ANGEL1: variants seen among roughly 807,000 people sequenced by gnomAD.
ANGEL1 encodes the protein angel homolog 1, also known as RNA 2',3'-cyclic phosphatase ANGEL1.
Under a neutral mutation model 76.4 loss-of-function variants are expected in ANGEL1, and 62 were observed. The ratio of observed to expected loss-of-function variants is 0.81; its 90% CI spans 0.66 to 1.00. ANGEL1 has a LOEUF of 1.00. Ranked by LOEUF, ANGEL1 falls within the 50% of genes least tolerant of loss-of-function variation. ANGEL1 has a pLI of 0.00. For missense variants in ANGEL1, 737 were observed against 836.7 expected, an observed-to-expected ratio of 0.88 and a Z score of 1.47; for synonymous variants, 340 against 331.7, an observed-to-expected ratio of 1.03 and a Z score of -0.27.
At position 76,803,985 on chromosome 14, in the gene ANGEL1, C is replaced by G. The variant is rs759976980; in HGVS notation, c.1381-73G>C. ...GGAAGTAACAGCCCATGTTTTGGGA[C>G]ATGTGGACAAATACAAACACATACA... On this transcript the variant is annotated intron_variant, in intron 5 of 9. Coordinates refer to ENST00000251089, the MANE Select transcript of ANGEL1 (RefSeq NM_015305.4). 4 of 1,613,414 alleles carry G rather than the reference C, an allele frequency of 2.5e-6. No homozygotes were observed. The African/African-American group carries it at 5.3e-5, about 22-fold the overall frequency.
At chr14:76,807,568 C>T in intron 3 of ANGEL1, 66 bp from the exon 4 acceptor site, 2 of 1,537,926 alleles carry the variant, frequency 1.3e-6, no homozygotes, top group Non-Finnish European at 1.8e-6. Flanking sequence ...CCTCTAGGAG[C>T]AGGTCCTGAG....
At chr14:76,798,946 CAAA>C (rs58535403) in intron 7 of ANGEL1, among the ~76,000 whole-genome samples, 2 of 73,794 alleles carry the variant, frequency 2.7e-5, no homozygotes, top group Admixed American at 1.6e-4. Flanking sequence ...GACTCTGTCT[CAAA>C]AAAAAAAAAA....
At chr14:76,804,479 A>C in intron 5 of ANGEL1, 1 of 986,082 alleles carries the variant, frequency 1.0e-6, no homozygotes, top group Non-Finnish European at 1.2e-6. Flanking sequence ...CACATCTCCA[A>C]CGTGTGTAGC....
Position 76,812,863 on chromosome 14 carries a change from C to T in ANGEL1, c.-36G>A. 6.7e-7 allele frequency: 1 copy of T among 1,488,068 alleles called. No individual in the cohort carries two copies. Among genetic ancestry groups the T allele is most frequent in the South Asian group, 1.3e-5 (1 of 78,352 alleles). The allele number at this position is 1,488,068 out of a possible 1,614,324, so 92.2% of individuals were successfully genotyped here. A position where few individuals can be genotyped will look rare whatever the true frequency, so the allele number is the denominator to read the frequency against. On this transcript the variant is annotated 5_prime_UTR_variant, in exon 1 of 10. Transcript: ENST00000251089. ...CCGCGCCCGCCTCCGCTCCTCACTG[C>T]AGCCAGCAGGTCCTCCCTCAGCTCG...
chr14:76,812,638 A>G (rs981974954), intron 1 of ANGEL1, 126 bp downstream of exon 1: 81 of 1,333,046 alleles, frequency 6.1e-5, no homozygotes, highest in Non-Finnish European at 7.5e-5. Flanking sequence ...GCCTCCCTAC[A>G]CCTCGGCACT....
At chr14:76,791,773 G>A (rs1164037600) in intron 7 of ANGEL1, among the ~76,000 whole-genome samples, 1 of 152,014 alleles carries the variant, frequency 6.6e-6, no homozygotes, top group African/African-American at 2.4e-5. Flanking sequence ...TTCCTTCAAA[G>A]ACTTTCTATT....
Position 76,803,593 on chromosome 14 carries a change from G to C in ANGEL1, c.1508-112C>G. Reference sequence around the variant, plus strand: ...AGGTACACAGAGGAAGCATTCAGAAGACAAGGAGATTTTCCAAAGGCTATG... The same window carrying C: ...AGGTACACAGAGGAAGCATTCAGAACACAAGGAGATTTTCCAAAGGCTATG... On this transcript the variant is annotated intron_variant, in intron 6 of 9. Transcript: ENST00000251089. The C allele has an allele frequency of 3.0e-6, 4 of 1,353,170 alleles. No individual in the cohort carries two copies. The South Asian group carries it at 3.9e-5, about 13-fold the overall frequency. 83.8% of individuals were successfully genotyped at this position (1,353,170 alleles called of 1,614,324 possible). A position where few individuals can be genotyped will look rare whatever the true frequency, so the allele number is the denominator to read the frequency against.
intron 7 of ANGEL1, 119 bp from the exon 8 acceptor site, chr14:76,791,485 A>C (rs1894404345): frequency 2.2e-6 from 2 of 899,760 alleles, no homozygotes; most frequent in East Asian, 5.6e-5. Flanking sequence ...AGGATCCAGA[A>C]GGAGAAAGGG....
At chr14:76,812,570 C>T in intron 1 of ANGEL1, 194 bp downstream of exon 1, 1 of 1,249,334 alleles carries the variant, frequency 8.0e-7, no homozygotes, top group Non-Finnish European at 1.0e-6. Context: ...CGAGGGACGT[C>T]GGCCAGGTCC....
intron 7 of ANGEL1, among the ~76,000 whole-genome samples, chr14:76,797,993 G>GTGGATTAGTGCTCTTATAAA (rs1213169949): frequency 6.6e-6 from 1 of 152,186 alleles, no homozygotes; most frequent in Non-Finnish European, 1.5e-5. Context: ...CAAGTGTGGA[G>GTGGATTAGTGCTCTTATAAA]TCCTCATGGA....
In ANGEL1 at chr14:76,787,755, A is replaced by G. The variant is rs2140203513; in HGVS notation, c.*1473T>C. On this transcript the variant is annotated 3_prime_UTR_variant, in exon 10 of 10. Coordinates refer to ENST00000251089, the MANE Select transcript of ANGEL1 (RefSeq NM_015305.4). ...GTCTTCAGTCCCACTTTGGAGGTCG[A>G]GTGAGGCAAGAGCAAGTCAAATCTA... 6.6e-6 allele frequency: 1 copy of G among 152,608 alleles called. No individual in the cohort carries two copies. Among genetic ancestry groups the G allele is most frequent in the South Asian group, 2.1e-4 (1 of 4,826 alleles). 9.5% of individuals were successfully genotyped at this position (152,608 alleles called of 1,614,324 possible).
chr14:76,801,746 T>G (rs1282583835), intron 7 of ANGEL1, among the ~76,000 whole-genome samples: 1 of 152,222 alleles, frequency 6.6e-6, no homozygotes, highest in Non-Finnish European at 1.5e-5. Context: ...TTTTTATTTT[T>G]TATTCCACTT....
chr14:76,812,618 G>C, intron 1 of ANGEL1, 146 bp downstream of exon 1: 1 of 1,317,710 alleles, frequency 7.6e-7, no homozygotes, highest in Non-Finnish European at 9.7e-7. Context: ...CGGGGCAGGG[G>C]CTCAGGACCG....
chr14:76,806,328 G>A, intron 5 of ANGEL1, 88 bp downstream of exon 5: 1 of 1,393,650 alleles, frequency 7.2e-7, no homozygotes, highest in Non-Finnish European at 9.8e-7. Context: ...GTGTACTGAG[G>A]TCCCTGCCAC....
Position 76,807,522 on chromosome 14 carries a change from C to A in ANGEL1, c.877-20G>T. The A allele has an allele frequency of 6.2e-7, 1 of 1,612,030 alleles. No homozygotes were observed. Among genetic ancestry groups the A allele is most frequent in the Non-Finnish European group, 8.5e-7 (1 of 1,178,962 alleles). On this transcript the variant is annotated intron_variant, in intron 3 of 9. Transcript: ENST00000251089. ...CAGGATCTGGGAAATTGACAAGAAACCCAATCACTCCAGAGTGCTGGAATG... is the reference window on the plus strand; with the variant it reads ...CAGGATCTGGGAAATTGACAAGAAAACCAATCACTCCAGAGTGCTGGAATG...
intron 7 of ANGEL1, among the ~76,000 whole-genome samples, chr14:76,796,193 A>C (rs888498755): frequency 6.6e-6 from 1 of 151,674 alleles, no homozygotes; most frequent in African/African-American, 2.4e-5. Flanking sequence ...TTTCCGTTTA[A>C]ATTTTCCTCT....
rs150819564 is a variant in ANGEL1, at chr14:76,809,506, C to T, written c.202G>A (p.Gly68Arg). Reference protein sequence around the residue: ...EGLLQQWREEGLSQVLSTASE... With the variant: ...EGLLQQWREERLSQVLSTASE... The stretch of plus-strand genomic sequence containing the variant: ...GCAGTTGAGAGCACCTGGCTCAACC[C>T]TTCTTCTCGCCACTGCTGCAGCAGG... Residue 68 changes from glycine (G) to arginine (R), a missense_variant, in exon 2 of 10, where the codon GGG becomes AGG. Coordinates refer to ENST00000251089, the MANE Select transcript of ANGEL1 (RefSeq NM_015305.4). The T allele has an allele frequency of 1.9e-6, 3 of 1,614,270 alleles. No homozygotes were observed. Among genetic ancestry groups the T allele is most frequent in the Non-Finnish European group, 2.5e-6 (3 of 1,180,054 alleles).
In ANGEL1 at chr14:76,809,359, G is replaced by A. The variant is rs201390732; in HGVS notation, c.349C>T (p.Leu117Phe). 121 of 1,614,124 alleles carry A rather than the reference G, an allele frequency of 7.5e-5. No individual in the cohort carries two copies. The highest frequency in any genetic ancestry group is 2.0e-5 in the Non-Finnish European group (24 of 1,180,052). Residue 117 changes from leucine to phenylalanine, a missense_variant, in exon 2 of 10, where the codon CTT (leucine) becomes TTT (phenylalanine). By Grantham distance (22) the Leu-to-Phe change is conservative. Around this residue, in one of 2 missense-constraint regions of ANGEL1, gnomAD observed 441 missense variants for 449.5 expected, o/e 0.98. Transcript: ENST00000251089. ...TCATCCAGGTTCTCTGCAGCCCGAA[G>A]GTCACTCAGCTGCCTGCTGGACCAC... ...DRWSSRQLSD[L>F]RAAENLDEPF...
At chr14:76,811,526 C>CG (rs1555361966) in intron 1 of ANGEL1, among the ~76,000 whole-genome samples, 7 of 4,372 alleles carry the variant, frequency 1.6e-3, no homozygotes, top group Non-Finnish European at 3.4e-3. Flanking sequence ...GGTGGGGGGG[C>CG]GGGGGGGGCC....
Sources: allele counts gnomAD v4.1 joint callset (sites outside exome capture counted in the v4.1 genomes callset), GRCh38; gene constraint gnomAD v4.1.1; regional missense constraint gnomAD v4.1.1; transcripts MANE v1.5; gene names NCBI Gene and HGNC (gene_info 2026-07-23, HGNC 2026-07-21).